CTNNA2: variants seen among roughly 807,000 people sequenced by gnomAD.
CTNNA2 encodes catenin alpha 2, also known as catenin alpha-2.
Under a neutral mutation model 101.0 loss-of-function variants are expected in CTNNA2, and 42 were observed. The observed-to-expected ratio is 0.42, with a 90% CI of 0.32 to 0.54. The LOEUF (loss-of-function observed/expected upper bound fraction) is 0.54, where lower values mean the gene tolerates loss of function less well. Ranked by LOEUF, CTNNA2 falls within the 20% of genes least tolerant of loss-of-function variation. CTNNA2 has a pLI of 0.14. For synonymous variants in CTNNA2, 450 were observed against 456.4 expected (o/e 0.99, Z 0.18); for missense variants, 871 against 1,223.1 (o/e 0.71, Z 4.29).
intron 7 of CTNNA2, among the ~76,000 whole-genome samples, chr2:80,275,933 T>A (rs385436): frequency 3.9e-5 from 6 of 151,906 alleles, no homozygotes; most frequent in Non-Finnish European, 7.4e-5. Flanking sequence ...AATATTTTCC[T>A]TGTTGTGAAT....
At chr2:79,569,792 T>C (rs549088160) in intron 1 of CTNNA2, among the ~76,000 whole-genome samples, 3 of 152,326 alleles carry the variant, frequency 2.0e-5, no homozygotes, top group African/African-American at 7.2e-5. Context: ...ATATAAAATA[T>C]TACAAATACT....
At chr2:79,706,276 T>G (rs898509030) in intron 2 of CTNNA2, among the ~76,000 whole-genome samples, 1 of 142,114 alleles carries the variant, frequency 7.0e-6, no homozygotes, top group Non-Finnish European at 1.5e-5. Flanking sequence ...GGCGGGACAA[T>G]GGCGTGAACC....
chr2:80,527,011 A>T (rs1434071), intron 9 of CTNNA2, among the ~76,000 whole-genome samples: 86 of 152,100 alleles, frequency 5.7e-4, no homozygotes, highest in Non-Finnish European at 1.0e-3. Flanking sequence ...TCTGCATTTC[A>T]GGGGAAAAAA....
At chr2:79,503,158 T>C (rs922057710) in intron 4 of CTNNA2, among the ~76,000 whole-genome samples, 4 of 152,120 alleles carry the variant, frequency 2.6e-5, no homozygotes, top group Non-Finnish European at 5.9e-5. Flanking sequence ...TTCCAGTGCC[T>C]CTTCTAGCAC....
chr2:79,237,904 TAA>T (rs1674577691), intron 2 of CTNNA2, among the ~76,000 whole-genome samples: 1 of 152,204 alleles, frequency 6.6e-6, no homozygotes, highest in Admixed American at 6.5e-5. Flanking sequence ...TCCAGACCAC[TAA>T]AACTTTCTCC....
intron 12 of CTNNA2, 144 bp downstream of exon 12, chr2:80,556,037 CTCTT>C (rs1178041865): frequency 5.3e-5 from 27 of 507,292 alleles, no homozygotes; most frequent in Non-Finnish European, 8.2e-5. Flanking sequence ...CTTGAGTGTT[CTCTT>C]TGTTTTTTGA....
intron 7 of CTNNA2, among the ~76,000 whole-genome samples, chr2:79,977,389 C>A (rs2104594741): frequency 6.6e-6 from 1 of 152,206 alleles, no homozygotes; most frequent in East Asian, 1.9e-4. Flanking sequence ...GTGCTACTGG[C>A]ATGTATGTGT....
At chr2:80,063,188 C>T (rs769010680) in intron 7 of CTNNA2, among the ~76,000 whole-genome samples, 9 of 152,146 alleles carry the variant, frequency 5.9e-5, no homozygotes, top group Non-Finnish European at 1.2e-4. Context: ...CTCCTCTTCT[C>T]CCTTTTGCTC....
chr2:80,381,043 C>T (rs980524706), intron 7 of CTNNA2, among the ~76,000 whole-genome samples: 2 of 151,870 alleles, frequency 1.3e-5, no homozygotes, highest in African/African-American at 4.8e-5. Context: ...GAGGGAATGC[C>T]CCAAGAGATA....
intron 2 of CTNNA2, among the ~76,000 whole-genome samples, chr2:79,711,117 G>T (rs1323164470): frequency 6.6e-6 from 1 of 152,166 alleles, no homozygotes; most frequent in South Asian, 2.1e-4. Flanking sequence ...TTGGCTTTGT[G>T]TAGCTGTAAA....
intron 1 of CTNNA2, among the ~76,000 whole-genome samples, chr2:79,615,039 C>A (rs547026461): frequency 1.3e-5 from 2 of 152,164 alleles, no homozygotes; most frequent in Admixed American, 1.3e-4. Flanking sequence ...GACGAGAGAG[C>A]ATATTTAATA....
At chr2:79,667,074 C>A (rs575645049) in intron 2 of CTNNA2, among the ~76,000 whole-genome samples, 11 of 152,294 alleles carry the variant, frequency 7.2e-5, no homozygotes, top group African/African-American at 2.6e-4. Context: ...GCCATGCAAA[C>A]CCTAAAGCTG....
chr2:79,778,325 A>G (rs1289748090), intron 3 of CTNNA2, among the ~76,000 whole-genome samples: 6 of 151,936 alleles, frequency 3.9e-5, no homozygotes, highest in African/African-American at 1.5e-4. Context: ...AGCTTGGGCT[A>G]CAGAGTGAGA....
At chr2:80,553,187 G>A (rs1229796732) in intron 11 of CTNNA2, among the ~76,000 whole-genome samples, 2 of 149,330 alleles carry the variant, frequency 1.3e-5, no homozygotes, top group African/African-American at 4.9e-5. Flanking sequence ...TTGCGTCACT[G>A]CACTCCAGCC....
intron 9 of CTNNA2, among the ~76,000 whole-genome samples, chr2:80,521,104 A>C (rs539025214): frequency 6.4e-4 from 98 of 152,354 alleles, no homozygotes; most frequent in African/African-American, 2.3e-3. Context: ...AAGCCCTGAC[A>C]GCCCTTGTGC....
intron 6 of CTNNA2, among the ~76,000 whole-genome samples, chr2:79,886,151 G>A (rs1308351038): frequency 6.6e-6 from 1 of 152,210 alleles, no homozygotes; most frequent in Non-Finnish European, 1.5e-5. Flanking sequence ...GCGTAAGGGG[G>A]TGGAATTGGG....
intron 9 of CTNNA2, among the ~76,000 whole-genome samples, chr2:80,428,023 T>G (rs1055472470): frequency 6.6e-6 from 1 of 152,184 alleles, no homozygotes; most frequent in Non-Finnish European, 1.5e-5. Context: ...GAGGAGGGCA[T>G]GTGAGGTCGG....
chr2:80,322,909 C>T (rs969037835), intron 7 of CTNNA2, among the ~76,000 whole-genome samples: 1 of 152,236 alleles, frequency 6.6e-6, no homozygotes, highest in African/African-American at 2.4e-5. Flanking sequence ...CATGCAGTTC[C>T]CTTTGTAGCC....
At chr2:80,095,614 C>A (rs1392547316) in intron 7 of CTNNA2, among the ~76,000 whole-genome samples, 3 of 152,178 alleles carry the variant, frequency 2.0e-5, no homozygotes, top group Non-Finnish European at 2.9e-5. Context: ...TAGAATTTGG[C>A]TGTGAATCCG....
Sources: allele counts gnomAD v4.1 joint callset (sites outside exome capture counted in the v4.1 genomes callset), GRCh38; gene constraint gnomAD v4.1.1; transcripts MANE v1.5; gene names NCBI Gene and HGNC (gene_info 2026-07-23, HGNC 2026-07-21).